The following NSUN7 variants were observed in gnomAD, a reference collection of about 807,000 sequenced individuals.
NSUN7 encodes the protein protein NSUN7.
Under a neutral mutation model 58.5 loss-of-function variants are expected in NSUN7, and 39 were observed. That is an observed-to-expected ratio of 0.67 (90% confidence interval 0.52 to 0.87). The LOEUF (loss-of-function observed/expected upper bound fraction) is 0.87, where lower values mean the gene tolerates loss of function less well. Ranked by LOEUF, NSUN7 falls within the 40% of genes least tolerant of loss-of-function variation. The probability of loss-of-function intolerance (pLI) is 0.00; values close to 1 mark genes in which losing one functional copy is unlikely to be tolerated. For synonymous variants in NSUN7, 278 were observed against 303.7 expected, an observed-to-expected ratio of 0.92 and a Z score of 0.88; for missense variants, 765 against 844.1, an observed-to-expected ratio of 0.91 and a Z score of 1.16.
intron 7 of NSUN7, among the ~76,000 whole-genome samples, chr4:40,784,041 T>C (rs1384011112): frequency 1.3e-5 from 2 of 152,188 alleles, no homozygotes; most frequent in East Asian, 3.8e-4. Flanking sequence ...TGTGAAAAGA[T>C]GCTCAAAATC....
chr4:40,804,958 C>A (rs1577588812), intron 10 of NSUN7, among the ~76,000 whole-genome samples: 1 of 152,124 alleles, frequency 6.6e-6, no homozygotes, highest in African/African-American at 2.4e-5. Context: ...CCAGGCCATT[C>A]CTTGCTGCTT....
chr4:40,753,333 A>G (rs1324803269), intron 2 of NSUN7, among the ~76,000 whole-genome samples: 7 of 150,392 alleles, frequency 4.7e-5, no homozygotes, highest in Non-Finnish European at 7.4e-5. Flanking sequence ...CTGGAGTGCA[A>G]TGGCACAATC....
chr4:40,766,856 T>C (rs1348444205), intron 4 of NSUN7, among the ~76,000 whole-genome samples: 2 of 150,510 alleles, frequency 1.3e-5, no homozygotes, highest in South Asian at 2.1e-4. Flanking sequence ...CTAGATTTTC[T>C]AGTTTATTTG....
At chr4:40,766,774 T>G (rs1049392411) in intron 4 of NSUN7, among the ~76,000 whole-genome samples, 2 of 151,698 alleles carry the variant, frequency 1.3e-5, no homozygotes, top group Non-Finnish European at 2.9e-5. Flanking sequence ...GTTATTGGTC[T>G]ATTCAGAGAT....
chr4:40,786,811 C>T, intron 7 of NSUN7: 3 of 1,199,146 alleles, frequency 2.5e-6, no homozygotes, highest in Non-Finnish European at 3.5e-6. Context: ...GCCTGTCTGC[C>T]CTCCTGGATG....
intron 2 of NSUN7, among the ~76,000 whole-genome samples, chr4:40,753,704 G>A (rs1353901512): frequency 6.6e-6 from 1 of 152,082 alleles, no homozygotes; most frequent in Non-Finnish European, 1.5e-5. Context: ...CGTTGATATG[G>A]TTTGGCTGTG....
At chr4:40,787,937 C>T (rs1742908888) in intron 7 of NSUN7, among the ~76,000 whole-genome samples, 1 of 152,194 alleles carries the variant, frequency 6.6e-6, no homozygotes. Context: ...CAGGTTCAAG[C>T]AATTCTCCTG....
Position 40,809,627 on chromosome 4 carries a change from C to G in NSUN7, c.*688C>G, listed in dbSNP as rs543937044. On this transcript the variant is annotated 3_prime_UTR_variant, in exon 12 of 12. Coordinates refer to ENST00000381782, the MANE Select transcript of NSUN7 (RefSeq NM_024677.6). ...CCTTCCTCTATGTCAAGCACTGTTA[C>G]AAAAGACTGTGAGCAAATTTCCATC... 24 of 152,208 alleles carry G rather than the reference C, an allele frequency of 1.6e-4. No individual in the cohort carries two copies. The highest frequency in any genetic ancestry group is 5.1e-4 in the African/African-American group (21 of 41,500). The allele number at this position is 152,208 out of a possible 1,614,324, so 9.4% of individuals were successfully genotyped here.
At chr4:40,806,246 C>G (rs890088043) in intron 10 of NSUN7, among the ~76,000 whole-genome samples, 2 of 152,194 alleles carry the variant, frequency 1.3e-5, no homozygotes, top group East Asian at 3.8e-4. Flanking sequence ...TTGCCTGCCT[C>G]GGCCTCCCAA....
intron 8 of NSUN7, among the ~76,000 whole-genome samples, chr4:40,792,885 A>T (rs966947228): frequency 1.3e-5 from 2 of 152,242 alleles, no homozygotes; most frequent in African/African-American, 4.8e-5. Flanking sequence ...AACGTTAGCC[A>T]GAAACTTAGT....
intron 8 of NSUN7, among the ~76,000 whole-genome samples, chr4:40,792,772 G>T (rs971084597): frequency 9.9e-5 from 15 of 151,738 alleles, no homozygotes; most frequent in Non-Finnish European, 5.9e-5. Flanking sequence ...AAAAGTTGTC[G>T]TATCCTGAAG....
At chr4:40,781,687 C>G (rs543827452) in intron 7 of NSUN7, among the ~76,000 whole-genome samples, 2 of 152,310 alleles carry the variant, frequency 1.3e-5, no homozygotes, top group South Asian at 2.1e-4. Context: ...CTCAAGCAAG[C>G]CTTCTGTCTT....
At chr4:40,780,090 G>A (rs775678194) in intron 7 of NSUN7, among the ~76,000 whole-genome samples, 5 of 152,218 alleles carry the variant, frequency 3.3e-5, no homozygotes, top group Middle Eastern at 3.4e-3. Flanking sequence ...AGACCAGCCC[G>A]ACCAGCATGG....
At chr4:40,755,527 G>C (rs1313331428) in intron 2 of NSUN7, among the ~76,000 whole-genome samples, 1 of 152,020 alleles carries the variant, frequency 6.6e-6, no homozygotes, top group East Asian at 1.9e-4. Flanking sequence ...CCTTCTCTAG[G>C]TTTATATTTT....
rs1448523007 is a variant in NSUN7 at position 40,808,433 on chromosome 4, T to C, written c.1651T>C (p.Ser551Pro). ...GAAGAAGAAGAAAAAATCAAAAACA[T>C]CATTGACAAAAGGTGCCACTACTGA... is the stretch of plus-strand genomic sequence containing the variant. Reference protein sequence around the residue: ...REKKKKKSKTSLTKGATTDNG... With the variant: ...REKKKKKSKTPLTKGATTDNG... The change falls in exon 12 of 12, where the codon TCA (serine) becomes CCA (proline). Residue 551 changes from serine to proline, a missense_variant. By Grantham distance (74) the Ser-to-Pro change is moderately conservative. Coordinates refer to ENST00000381782, the MANE Select transcript of NSUN7 (RefSeq NM_024677.6). The C allele has an allele frequency of 3.1e-6, 5 of 1,610,816 alleles. No homozygotes were observed. The highest frequency in any genetic ancestry group is 1.7e-5 in the Admixed American group (1 of 59,654).
rs143843799 is a variant in NSUN7 at position 40,808,472 on chromosome 4, A to C, written c.1690A>C (p.Met564Leu). Reference protein sequence around the residue: ...KGATTDNGIQMKIAEFLNRET... With the variant: ...KGATTDNGIQLKIAEFLNRET... Reference sequence around the variant, plus strand: ...TGCCACTACTGATAATGGCATCCAAATGAAAATTGCTGAGTTCCTGAATCG... The same window carrying C: ...TGCCACTACTGATAATGGCATCCAACTGAAAATTGCTGAGTTCCTGAATCG... Residue 564 changes from methionine (M) to leucine (L), a missense_variant, in exon 12 of 12, where the codon ATG becomes CTG. Transcript: ENST00000381782. 8.0e-4 allele frequency: 1,260 copies of C among 1,580,800 alleles called. 16 individuals are homozygous for C. In the African/African-American group the frequency reaches 0.014, roughly 18 times the overall value.
Position 40,776,148 on chromosome 4 carries a change from C to A in NSUN7, c.925C>A (p.His309Asn). The A allele has an allele frequency of 1.2e-6, 2 of 1,607,410 alleles. No homozygotes were observed. Among genetic ancestry groups the A allele is most frequent in the Non-Finnish European group, 1.7e-6 (2 of 1,174,364 alleles). The change falls in exon 7 of 12, where the codon CAC (histidine) becomes AAC (asparagine). Residue 309 changes from histidine to asparagine, a missense_variant. By Grantham distance (68) the His-to-Asn change is moderately conservative. Coordinates refer to ENST00000381782, the MANE Select transcript of NSUN7 (RefSeq NM_024677.6). ...VNTGSWYTVS[H>N]MSILTNNNTS... ...TACAGGCTCATGGTACACAGTTTCC[C>A]ACATGTCAATTTTAACAAATAATAA...
At chr4:40,776,357 C>A in intron 7 of NSUN7, 98 bp downstream of exon 7, 1 of 763,760 alleles carries the variant, frequency 1.3e-6, no homozygotes, top group Non-Finnish European at 2.1e-6. Context: ...AATGTAAAAG[C>A]TCTATATGTG....
intron 10 of NSUN7, among the ~76,000 whole-genome samples, chr4:40,806,607 G>T (rs1036015967): frequency 4.6e-5 from 7 of 152,152 alleles, no homozygotes; most frequent in Admixed American, 1.3e-4. Context: ...TAATTAAAGT[G>T]ATAGGCTATA....
Sources: gnomAD v4.1 joint callset for allele counts (sites outside exome capture counted in the v4.1 genomes callset) on GRCh38, gnomAD v4.1.1 for gene constraint, MANE v1.5 for transcripts, NCBI Gene and HGNC (gene_info 2026-07-23, HGNC 2026-07-21) for gene names.